Variants in CERS5 observed in about 807,000 individuals in gnomAD.
The protein encoded by CERS5 is ceramide synthase 5.
CERS5 carries 37 observed loss-of-function variants against 58.9 expected under a neutral mutation model. That is an observed-to-expected ratio of 0.63 (90% CI 0.48 to 0.83). CERS5 has a LOEUF of 0.83. Among genes scored for constraint, CERS5 ranks in the 40% least tolerant of loss-of-function variants. The pLI is 0.00. For missense variants in CERS5, 398 were observed against 489.3 expected, an observed-to-expected ratio of 0.81 and a Z score of 1.76; for synonymous variants, 147 against 177.8, an observed-to-expected ratio of 0.83 and a Z score of 1.38.
intron 9 of CERS5, among the ~76,000 whole-genome samples, chr12:50,132,574 G>A (rs749739925): frequency 2.6e-5 from 4 of 152,158 alleles, no homozygotes; most frequent in South Asian, 4.1e-4. Flanking sequence ...TGTAACAACT[G>A]TTGCCAAGGA....
chr12:50,145,391 T>A (rs1230627847), intron 1 of CERS5, among the ~76,000 whole-genome samples: 1 of 152,154 alleles, frequency 6.6e-6, no homozygotes, highest in East Asian at 1.9e-4. Flanking sequence ...ACTTTCAGGA[T>A]AAGTCAAAAC....
intron 9 of CERS5, among the ~76,000 whole-genome samples, chr12:50,130,987 G>A (rs1051444915): frequency 6.6e-6 from 1 of 152,158 alleles, no homozygotes; most frequent in African/African-American, 2.4e-5. Context: ...CTGAGACCTG[G>A]TTTAGGTTTC....
chr12:50,147,602 C>G (rs182779899), intron 1 of CERS5, among the ~76,000 whole-genome samples: 2 of 152,248 alleles, frequency 1.3e-5, no homozygotes, highest in African/African-American at 4.8e-5. Flanking sequence ...TCTATTCTCT[C>G]TCATGAGAGT....
At chr12:50,141,544 T>A (rs1012937760) in intron 4 of CERS5, among the ~76,000 whole-genome samples, 1 of 152,164 alleles carries the variant, frequency 6.6e-6, no homozygotes, top group Non-Finnish European at 1.5e-5. Flanking sequence ...AGTAAAGTTA[T>A]AAAGTTACTG....
chr12:50,153,931 G>T, intron 1 of CERS5: 1 of 362,884 alleles, frequency 2.8e-6, no homozygotes, highest in Non-Finnish European at 5.6e-6. Flanking sequence ...TCCAGCCTGG[G>T]CGACAAGAGC....
intron 1 of CERS5, among the ~76,000 whole-genome samples, chr12:50,164,519 T>C (rs1208547071): frequency 2.0e-5 from 3 of 152,196 alleles, no homozygotes; most frequent in East Asian, 1.9e-4. Flanking sequence ...TGAATTATAT[T>C]ACTGAGGTAA....
chr12:50,167,057 C>G (rs1035168743), intron 1 of CERS5, 44 bp downstream of exon 1: 2 of 1,431,386 alleles, frequency 1.4e-6, no homozygotes, highest in African/African-American at 3.0e-5. Context: ...GGGGCGCCCC[C>G]GGCCCGCGCC....
Position 50,135,653 on chromosome 12 carries a change from CTGAA to C in CERS5, c.872+75_872+78del, listed in dbSNP as rs145772444. 2.2e-3 allele frequency: 2,345 copies of C among 1,049,206 alleles called. 8 individuals carry two copies. Among genetic ancestry groups the C allele is most frequent in the East Asian group, 4.9e-3 (206 of 42,336 alleles). The allele number at this position is 1,049,206 out of a possible 1,614,324, so 65.0% of individuals were successfully genotyped here. A position where few individuals can be genotyped will look rare whatever the true frequency, so the allele number is the denominator to read the frequency against. The stretch of plus-strand genomic sequence containing the variant: ...AGTAGAATAGAATAGAACAGAAAAA[CTGAA>C]TGGGCAAAATGAGAATTGGCAAAAA... On this transcript the variant is annotated intron_variant, in intron 8 of 9. Coordinates refer to ENST00000317551, the MANE Select transcript of CERS5 (RefSeq NM_147190.5).
rs760619313 is a variant in CERS5 at position 50,143,963 on chromosome 12, A to G, written c.292T>C (p.Ser98Pro). The G allele has an allele frequency of 6.2e-7, 1 of 1,600,090 alleles. No homozygotes were observed. The highest frequency in any genetic ancestry group is 8.6e-7 in the Non-Finnish European group (1 of 1,167,420). The change falls in exon 2 of 10, where the codon TCT (serine) becomes CCT (proline). Residue 98 changes from serine (S) to proline (P), a missense_variant. Ser to Pro is a moderately conservative substitution (Grantham distance 74). Coordinates refer to ENST00000317551, the MANE Select transcript of CERS5 (RefSeq NM_147190.5). Reference protein sequence around the residue: ...PNAILEKVFISITKYPDKKRL... With the variant: ...PNAILEKVFIPITKYPDKKRL... ...CTTTGCCCACTTACCTTGGTAATAG[A>G]TATGAACACCTTTTCAAGGATGGCA...
In CERS5 at chr12:50,153,269, ATTTTTTTTTTTT is replaced by A. The variant is rs202197775; in HGVS notation, c.198-9224_198-9213del. Among the ~76,000 whole-genome samples the A allele has an allele frequency of 1.0e-3, 97 of 93,434 alleles. 2 individuals are homozygous for A. The highest frequency in any genetic ancestry group is 2.3e-3 in the East Asian group (9 of 3,882). 61.3% of individuals were successfully genotyped at this position (93,434 alleles called of 152,430 possible). ...GGTTATAATGAGATAAACTAATATGATTTTTTTTTTTTTTTTTTTTTTTTTTTCTGAGACGGA... is the reference window on the plus strand; with the variant it reads ...GGTTATAATGAGATAAACTAATATGATTTTTTTTTTTTTTTCTGAGACGGA... On this transcript the variant is annotated intron_variant, in intron 1 of 9. Coordinates refer to ENST00000317551, the MANE Select transcript of CERS5 (RefSeq NM_147190.5).
At chr12:50,165,891 GTAT>G in intron 1 of CERS5, 1 of 451,384 alleles carries the variant, frequency 2.2e-6, no homozygotes, top group South Asian at 1.6e-5. Context: ...TCACCCACAG[GTAT>G]AAATTCACAT....
chr12:50,153,033 G>A (rs977150483), intron 1 of CERS5, among the ~76,000 whole-genome samples: 1 of 151,994 alleles, frequency 6.6e-6, no homozygotes, highest in Non-Finnish European at 1.5e-5. Flanking sequence ...TCCTGCCACT[G>A]CACTCCAGCC....
At chr12:50,163,960 A>AT (rs34267480) in intron 1 of CERS5, among the ~76,000 whole-genome samples, 2,737 of 134,930 alleles carry the variant, frequency 0.02, 54 homozygotes, top group African/African-American at 0.047. Flanking sequence ...AGCCTCTACA[A>AT]TTTTTTTTTT....
chr12:50,146,846 C>CAAA (rs10714679), intron 1 of CERS5, among the ~76,000 whole-genome samples: 8 of 104,938 alleles, frequency 7.6e-5, no homozygotes, highest in African/African-American at 1.1e-4. Flanking sequence ...GACTCCGTCT[C>CAAA]AAAAAAAAAA....
At chr12:50,151,073 C>G (rs533384121) in intron 1 of CERS5, among the ~76,000 whole-genome samples, 46 of 152,218 alleles carry the variant, frequency 3.0e-4, no homozygotes, top group Middle Eastern at 6.8e-3. Flanking sequence ...CTCATCAGAT[C>G]TTAAACATGC....
Position 50,134,663 on chromosome 12 carries a change from G to T in CERS5, c.912C>A (p.Ile304=), listed in dbSNP as rs752285189. Residue 304 remains isoleucine (I), a synonymous_variant, in exon 9 of 10, where the codon ATC becomes ATA. Coordinates refer to ENST00000317551, the MANE Select transcript of CERS5 (RefSeq NM_147190.5). ...GGAGCCACCATGAAGCATAAGGCCC[G>T]ATTATCTCCCAACTCTCAAAGAGGG... ...NTTLFESWEI[I]GPYASWWLLN... is the part of the protein sequence containing the mutation. 2 of 1,613,984 alleles carry T rather than the reference G, an allele frequency of 1.2e-6. No individual in the cohort carries two copies. The highest frequency in any genetic ancestry group is 1.7e-6 in the Non-Finnish European group (2 of 1,180,026).
At chr12:50,151,524 CA>C (rs1937955342) in intron 1 of CERS5, among the ~76,000 whole-genome samples, 1 of 152,182 alleles carries the variant, frequency 6.6e-6, no homozygotes, top group Non-Finnish European at 1.5e-5. Flanking sequence ...TCACCTTGGA[CA>C]AGTTCCTCTG....
At chr12:50,152,113 G>A (rs1362388220) in intron 1 of CERS5, among the ~76,000 whole-genome samples, 4 of 152,098 alleles carry the variant, frequency 2.6e-5, no homozygotes, top group African/African-American at 7.2e-5. Context: ...ATTCAGTTAT[G>A]GTAGAGGGTC....
At chr12:50,135,545 A>C (rs1244621700) in intron 8 of CERS5, 187 bp downstream of exon 8, 1 of 708,908 alleles carries the variant, frequency 1.4e-6, no homozygotes, top group Non-Finnish European at 2.6e-6. Flanking sequence ...CTGAGGCAGC[A>C]GAGGTCCTAT....
Sources: allele counts gnomAD v4.1 joint callset (sites outside exome capture counted in the v4.1 genomes callset), GRCh38; gene constraint gnomAD v4.1.1; transcripts MANE v1.5; gene names NCBI Gene and HGNC (gene_info 2026-07-23, HGNC 2026-07-21).